The following GCNT1 variants were observed in gnomAD, a reference collection of about 807,000 sequenced individuals.
GCNT1 encodes the protein glucosaminyl (N-acetyl) transferase 1.
GCNT1 carries 16 observed loss-of-function variants against 26.2 expected under a neutral mutation model. The observed-to-expected ratio is 0.61, with a 90% CI of 0.41 to 0.93. The LOEUF (loss-of-function observed/expected upper bound fraction) is 0.93. Ranked by LOEUF, GCNT1 falls within the 40% of genes least tolerant of loss-of-function variation. The probability of loss-of-function intolerance (pLI) is 0.00; values close to 1 mark genes in which losing one functional copy is unlikely to be tolerated. For missense variants in GCNT1, 477 were observed against 526.7 expected, an observed-to-expected ratio of 0.91 and a Z score of 0.92; for synonymous variants, 183 against 190.8, an observed-to-expected ratio of 0.96 and a Z score of 0.34.
At chr9:76,404,697 T>C in the GCNT1 span, among the ~76,000 whole-genome samples, 16 of 152,260 alleles carry the variant, frequency 1.1e-4, no homozygotes, top group African/African-American at 2.6e-4. Flanking sequence ...GAAAGAGATA[T>C]ATGAAGAGAG....
Position 76,502,523 on chromosome 9 carries a change from C to G in GCNT1, c.142C>G (p.Leu48Val). ...ATTTGTAAGTGTCAGACACTTGGAGCTTGCTGGGGAGAATCCTAGTAGTGA... is the reference window on the plus strand; with the variant it reads ...ATTTGTAAGTGTCAGACACTTGGAGGTTGCTGGGGAGAATCCTAGTAGTGA... ...PEFVSVRHLE[L>V]AGENPSSDIN... The change falls in exon 4 of 4, where the codon CTT (leucine) becomes GTT (valine). Residue 48 changes from leucine to valine, a missense_variant. Leu to Val is a conservative substitution (Grantham distance 32, BLOSUM62 1). Coordinates refer to ENST00000376730, the MANE Select transcript of GCNT1 (RefSeq NM_001490.5). 3.1e-6 allele frequency: 5 copies of G among 1,613,922 alleles called. No individual in the cohort carries two copies. Among genetic ancestry groups the G allele is most frequent in the Non-Finnish European group, 4.2e-6 (5 of 1,179,834 alleles).
At chr9:76,431,666 C>T (rs868138439) in intron 1 of GCNT1, among the ~76,000 whole-genome samples, 3 of 152,140 alleles carry the variant, frequency 2.0e-5, no homozygotes, top group East Asian at 1.9e-4. Context: ...CAGCCCCAGT[C>T]GCCTCTTTGG....
chr9:76,473,588 A>G (rs1824187755), intron 2 of GCNT1, among the ~76,000 whole-genome samples: 1 of 152,140 alleles, frequency 6.6e-6, no homozygotes. Flanking sequence ...CTTTATAAAA[A>G]CTCTAAGGTA....
intron 1 of GCNT1, among the ~76,000 whole-genome samples, chr9:76,446,376 C>T (rs141155168): frequency 5.1e-4 from 78 of 152,216 alleles, no homozygotes; most frequent in African/African-American, 1.5e-3. Flanking sequence ...GTGGAAAAGA[C>T]GGCTGCCAAA....
the GCNT1 span, among the ~76,000 whole-genome samples, chr9:76,408,881 G>A: frequency 1.3e-5 from 2 of 152,042 alleles, no homozygotes; most frequent in African/African-American, 2.4e-5. Context: ...TAGAGACGGG[G>A]TTTCACCATG....
upstream of GCNT1, among the ~76,000 whole-genome samples, chr9:76,458,283 C>A (rs531855365): frequency 2.7e-4 from 40 of 147,496 alleles, no homozygotes; most frequent in African/African-American, 9.7e-4. Context: ...CCCGGGTTCA[C>A]GCCATTCTCC....
the GCNT1 span, among the ~76,000 whole-genome samples, chr9:76,409,443 C>A: frequency 1.3e-5 from 2 of 151,834 alleles, no homozygotes; most frequent in African/African-American, 2.4e-5. Flanking sequence ...TTATTGATTT[C>A]TTTTTTGGAC....
chr9:76,413,698 C>T, the GCNT1 span, among the ~76,000 whole-genome samples: 1 of 126,142 alleles, frequency 7.9e-6, no homozygotes, highest in South Asian at 2.5e-4. Context: ...ATTTATCCTG[C>T]TGGATGTACT....
upstream of GCNT1, among the ~76,000 whole-genome samples, chr9:76,455,533 C>T (rs1287925198): frequency 6.6e-6 from 1 of 152,164 alleles, no homozygotes; most frequent in Non-Finnish European, 1.5e-5. Context: ...AGGATGTTCA[C>T]TGGTCTCCAG....
At chr9:76,410,119 A>G in the GCNT1 span, among the ~76,000 whole-genome samples, 1 of 152,080 alleles carries the variant, frequency 6.6e-6, no homozygotes, top group Admixed American at 6.6e-5. Context: ...CTGAAATAAT[A>G]TATTGGATGA....
chr9:76,467,038 G>A (rs545657294), intron 2 of GCNT1, among the ~76,000 whole-genome samples: 128 of 150,882 alleles, frequency 8.5e-4, no homozygotes, highest in Non-Finnish European at 1.7e-3. Context: ...TAAATGCTCA[G>A]CTGATCTTTT....
At chr9:76,441,795 A>T (rs937835481) in exon 1 of GCNT1, 4 of 152,292 alleles carry the variant, frequency 2.6e-5, no homozygotes, top group Non-Finnish European at 5.9e-5. Context: ...AGAAAAGGTC[A>T]GAGACTCTTA....
chr9:76,461,949 A>G (rs965091443), intron 2 of GCNT1, among the ~76,000 whole-genome samples: 1 of 151,844 alleles, frequency 6.6e-6, no homozygotes, highest in African/African-American at 2.4e-5. Flanking sequence ...TGTTTGCAAA[A>G]CTCTGCCTTA....
Position 76,502,642 on chromosome 9 carries a change from G to T in GCNT1, c.261G>T (p.Arg87=), listed in dbSNP as rs779553603. The part of the protein sequence containing the change: ...ILTVKFKKRP[R]WTPDDYINMT... ...CAGTGAAATTTAAAAAGCGCCCTCG[G>T]TGGACACCTGACGACTATATAAACA... Residue 87 remains arginine, a synonymous_variant, in exon 4 of 4, where the codon CGG becomes CGT. Coordinates refer to ENST00000376730, the MANE Select transcript of GCNT1 (RefSeq NM_001490.5). The T allele has an allele frequency of 6.2e-7, 1 of 1,614,080 alleles. No individual in the cohort carries two copies. Among genetic ancestry groups the T allele is most frequent in the African/African-American group, 1.3e-5 (1 of 75,014 alleles).
intron 1 of GCNT1, among the ~76,000 whole-genome samples, chr9:76,447,681 C>T (rs1175583686): frequency 6.6e-6 from 1 of 152,186 alleles, no homozygotes; most frequent in Non-Finnish European, 1.5e-5. Context: ...CTCTGCCACA[C>T]TTCACGCAAT....
intron 2 of GCNT1, among the ~76,000 whole-genome samples, chr9:76,491,673 A>G (rs1011193051): frequency 1.3e-5 from 2 of 152,190 alleles, no homozygotes; most frequent in African/African-American, 2.4e-5. Context: ...ATCCATTGGT[A>G]TATAGGTTAA....
At chr9:76,420,175 T>C (rs775772756) in intron 1 of GCNT1, 18 of 152,256 alleles carry the variant, frequency 1.2e-4, no homozygotes, top group Non-Finnish European at 2.2e-4. Context: ...AAGTGAGGTC[T>C]ATTGTAGGAA....
At chr9:76,459,098 G>C (rs1823813645), upstream of GCNT1, 1 of 152,360 alleles carries the variant, frequency 6.6e-6, no homozygotes, top group Non-Finnish European at 1.5e-5. Context: ...CCCCAGCCCC[G>C]AGCTCGCGCA....
the GCNT1 span, chr9:76,398,804 C>T: frequency 7.5e-7 from 1 of 1,328,180 alleles, no homozygotes; most frequent in Non-Finnish European, 1.1e-6. Flanking sequence ...CCAGATGGAA[C>T]AGTACATCTG....
Sources: allele counts gnomAD v4.1 joint callset (sites outside exome capture counted in the v4.1 genomes callset), GRCh38; gene constraint gnomAD v4.1.1; transcripts MANE v1.5; gene names NCBI Gene and HGNC (gene_info 2026-07-23, HGNC 2026-07-21).